Variants in NIPSNAP1 observed in about 807,000 individuals in gnomAD.
NIPSNAP1 encodes the protein protein NipSnap homolog 1.
A neutral mutation model predicts 49.2 loss-of-function variants in NIPSNAP1; 25 were observed. The observed-to-expected ratio is 0.51, with a 90% confidence interval of 0.37 to 0.71. The LOEUF is 0.71. NIPSNAP1 is among the 30% of genes least tolerant of loss of function. NIPSNAP1 has a pLI of 0.00. For synonymous variants in NIPSNAP1, 143 were observed against 140.7 expected, an observed-to-expected ratio of 1.02 and a Z score of -0.12; for missense variants, 294 against 361.0, an observed-to-expected ratio of 0.81 and a Z score of 1.50.
intron 8 of NIPSNAP1, among the ~76,000 whole-genome samples, chr22:29,559,395 G>A (rs1322201977): frequency 6.6e-6 from 1 of 152,054 alleles, no homozygotes; most frequent in African/African-American, 2.4e-5. Flanking sequence ...AAATTAGTTG[G>A]GCATGGTACT....
At chr22:29,567,891 T>A (rs1256359371) in intron 4 of NIPSNAP1, among the ~76,000 whole-genome samples, 1 of 148,660 alleles carries the variant, frequency 6.7e-6, no homozygotes, top group Non-Finnish European at 1.5e-5. Context: ...TGAATAAAAC[T>A]GAAAGGCCAG....
Position 29,558,964 on chromosome 22 carries a change from G to A in NIPSNAP1, c.707-11C>T, listed in dbSNP as rs755115359. ...GCAGGTCTTTATAGGCTGTGAGAAAGGCACAGGCTCATTCCTCAGGCACAG... is the reference window on the plus strand; with the variant it reads ...GCAGGTCTTTATAGGCTGTGAGAAAAGCACAGGCTCATTCCTCAGGCACAG... On this transcript the variant is annotated splice_polypyrimidine_tract_variant and intron_variant, in intron 8 of 9. Coordinates refer to ENST00000216121, the MANE Select transcript of NIPSNAP1 (RefSeq NM_003634.4). The A allele has an allele frequency of 1.9e-6, 3 of 1,602,970 alleles. No individual in the cohort carries two copies. The African/African-American group carries it at 4.0e-5, about 21-fold the overall frequency.
rs1451653444 is a variant in NIPSNAP1, at chr22:29,581,045, C to T, written c.38G>A (p.Arg13Gln). The T allele has an allele frequency of 1.3e-6, 2 of 1,539,508 alleles. No individual in the cohort carries two copies. The highest frequency in any genetic ancestry group is 1.4e-5 in the African/African-American group (1 of 72,650). The part of the protein sequence containing the change: ...PRLCSISVTA[R>Q]RLLGGPGPRA... ...AGGCCCCGGGCCCCCCAGCAGCCGCCGCGCCGTCACAGAGATGCTGCACAG... is the reference window on the plus strand; with the variant it reads ...AGGCCCCGGGCCCCCCAGCAGCCGCTGCGCCGTCACAGAGATGCTGCACAG... The change falls in exon 1 of 10, where the codon CGG becomes CAG. Residue 13 changes from arginine to glutamine, a missense_variant. Around this residue, in one of 4 missense-constraint regions of NIPSNAP1, gnomAD observed 88 missense variants for 76.1 expected, o/e 1.16. Coordinates refer to ENST00000216121, the MANE Select transcript of NIPSNAP1 (RefSeq NM_003634.4).
At chr22:29,560,404 C>T (rs994671158) in intron 8 of NIPSNAP1, among the ~76,000 whole-genome samples, 5 of 152,102 alleles carry the variant, frequency 3.3e-5, no homozygotes, top group South Asian at 4.1e-4. Flanking sequence ...TGCGCCACCA[C>T]GCCCAGCTAA....
chr22:29,562,943 C>A (rs1252865893), intron 4 of NIPSNAP1, among the ~76,000 whole-genome samples: 3 of 149,368 alleles, frequency 2.0e-5, no homozygotes, highest in Non-Finnish European at 3.0e-5. Flanking sequence ...ACTAAAAATA[C>A]AAAAAATTAG....
At chr22:29,570,873 G>A (rs1268455957) in intron 1 of NIPSNAP1, among the ~76,000 whole-genome samples, 2 of 151,964 alleles carry the variant, frequency 1.3e-5, no homozygotes, top group Admixed American at 1.3e-4. Context: ...CTCGCCAAGA[G>A]GATCAACCCC....
intron 3 of NIPSNAP1, chr22:29,569,904 G>A (rs897502718): frequency 2.5e-5 from 12 of 487,208 alleles, no homozygotes; most frequent in East Asian, 4.0e-5. Context: ...CAGGAGAATC[G>A]CTTGTACCTG....
intron 9 of NIPSNAP1, among the ~76,000 whole-genome samples, chr22:29,558,474 TA>T: frequency 6.6e-6 from 1 of 151,844 alleles, no homozygotes; most frequent in East Asian, 1.9e-4. Context: ...GTCTCAAAAA[TA>T]AATAAAATAA....
At chr22:29,577,233 T>C (rs1407386867) in intron 1 of NIPSNAP1, among the ~76,000 whole-genome samples, 1 of 150,402 alleles carries the variant, frequency 6.6e-6, no homozygotes, top group Non-Finnish European at 1.5e-5. Context: ...AGACCACAGG[T>C]GAGCACCACC....
At chr22:29,560,086 C>T (rs886779347) in intron 8 of NIPSNAP1, among the ~76,000 whole-genome samples, 1 of 152,188 alleles carries the variant, frequency 6.6e-6, no homozygotes, top group East Asian at 1.9e-4. Context: ...GCATGTGCTG[C>T]TCTGTCTACT....
At chr22:29,579,518 G>C (rs891053572) in intron 1 of NIPSNAP1, among the ~76,000 whole-genome samples, 3 of 151,592 alleles carry the variant, frequency 2.0e-5, no homozygotes, top group Non-Finnish European at 4.4e-5. Context: ...GGATGGTCTC[G>C]ATCTCCTGAC....
At chr22:29,563,004 CA>C (rs2064346308) in intron 4 of NIPSNAP1, among the ~76,000 whole-genome samples, 1 of 151,494 alleles carries the variant, frequency 6.6e-6, no homozygotes, top group Admixed American at 6.6e-5. Flanking sequence ...GAGGCTGAAG[CA>C]GGAGAATGGC....
intron 2 of NIPSNAP1, 51 bp downstream of exon 2, chr22:29,570,354 C>A: frequency 6.2e-7 from 1 of 1,613,174 alleles, no homozygotes; most frequent in South Asian, 1.1e-5. Context: ...GCCTCACAGG[C>A]CCCCAGAGCC....
intron 1 of NIPSNAP1, among the ~76,000 whole-genome samples, chr22:29,579,591 G>A (rs1349015252): frequency 2.0e-5 from 3 of 152,168 alleles, no homozygotes; most frequent in Non-Finnish European, 2.9e-5. Context: ...CACCGCGCCC[G>A]GCCATTTTTG....
At chr22:29,576,296 A>G (rs1244001146) in intron 1 of NIPSNAP1, among the ~76,000 whole-genome samples, 2 of 151,180 alleles carry the variant, frequency 1.3e-5, no homozygotes, top group Non-Finnish European at 2.9e-5. Flanking sequence ...ATGGGATTAC[A>G]GGCATGATCC....
At chr22:29,576,191 G>A (rs1367256929) in intron 1 of NIPSNAP1, among the ~76,000 whole-genome samples, 5 of 148,830 alleles carry the variant, frequency 3.4e-5, no homozygotes. Flanking sequence ...GCTAATTTTT[G>A]TATGTTTTAG....
rs181136749 is a variant in NIPSNAP1 at position 29,556,381 on chromosome 22, G to A, written c.791-382C>T. 3.0e-3 allele frequency among the ~76,000 whole-genome samples: 459 copies of A among 151,954 alleles called. 2 individuals carry two copies. Among genetic ancestry groups the A allele is most frequent in the Non-Finnish European group, 5.0e-3 (340 of 67,970 alleles). ...CTCTACTAAAAATACAAAATTAGCC[G>A]GGCGTAGTGGCACATGCTTGTAATC... On this transcript the variant is annotated intron_variant, in intron 9 of 9. Coordinates refer to ENST00000216121, the MANE Select transcript of NIPSNAP1 (RefSeq NM_003634.4).
At chr22:29,580,843 T>A in intron 1 of NIPSNAP1, 142 bp downstream of exon 1, 2 of 622,016 alleles carry the variant, frequency 3.2e-6, no homozygotes, top group Non-Finnish European at 5.2e-6. Flanking sequence ...CCCAGACCCC[T>A]CCCTAGGCCT....
At chr22:29,558,738 C>A (rs1457989158) in intron 9 of NIPSNAP1, 132 bp downstream of exon 9, 1 of 758,384 alleles carries the variant, frequency 1.3e-6, no homozygotes, top group Non-Finnish European at 2.4e-6. Flanking sequence ...TGGATAGAAA[C>A]CCATTAACTC....
Sources: gnomAD v4.1 joint callset for allele counts (sites outside exome capture counted in the v4.1 genomes callset) on GRCh38, gnomAD v4.1.1 for gene constraint, gnomAD v4.1.1 regional missense constraint, MANE v1.5 for transcripts, NCBI Gene and HGNC (gene_info 2026-07-23, HGNC 2026-07-21) for gene names.